The following ZHX2 variants were observed in gnomAD, a reference collection of about 807,000 sequenced individuals.
ZHX2 encodes zinc fingers and homeoboxes protein 2.
ZHX2 carries 6 observed loss-of-function variants against 21.9 expected under a neutral mutation model. The ratio of observed to expected loss-of-function variants is 0.27; its 90% confidence interval spans 0.15 to 0.54. The LOEUF (loss-of-function observed/expected upper bound fraction) is 0.54, where lower values mean the gene tolerates loss of function less well. Ranked by LOEUF, ZHX2 falls within the 20% of genes least tolerant of loss-of-function variation. ZHX2 has a pLI of 0.95. For synonymous variants in ZHX2, 434 were observed against 437.1 expected (o/e 0.99, Z 0.09); for missense variants, 908 against 1,090.7 (o/e 0.83, Z 2.36).
chr8:122,806,206 G>A (rs1005121290), intron 1 of ZHX2, among the ~76,000 whole-genome samples: 4 of 152,220 alleles, frequency 2.6e-5, no homozygotes, highest in Non-Finnish European at 4.4e-5. Context: ...AGCTCAGCCT[G>A]AATCTGAAAC....
chr8:122,798,791 G>A (rs904957694), intron 1 of ZHX2, among the ~76,000 whole-genome samples: 17 of 149,652 alleles, frequency 1.1e-4, no homozygotes, highest in African/African-American at 2.7e-4. Flanking sequence ...GAGCGAGAGC[G>A]AGACTGTCTC....
In ZHX2 at chr8:122,828,491, A is replaced by T. The variant is rs1818307869; in HGVS notation, c.-282-34986A>T. On this transcript the variant is annotated intron_variant, in intron 1 of 3. Transcript: ENST00000314393. The surrounding 1 kb of genome is among the most constrained non-coding windows in gnomAD (Gnocchi z 5.2). The stretch of plus-strand genomic sequence containing the variant: ...GAAACCAAAACCCAGGAAGACAGGG[A>T]GAGCTGCGGCCCACGAATGCATCTA... Among the ~76,000 whole-genome samples, 1 of 152,240 alleles carries T rather than the reference A, an allele frequency of 6.6e-6. No homozygotes were observed. Among genetic ancestry groups the T allele is most frequent in the Non-Finnish European group, 1.5e-5 (1 of 68,040 alleles).
chr8:122,789,646 A>G (rs1051069698), intron 1 of ZHX2, among the ~76,000 whole-genome samples: 1 of 152,168 alleles, frequency 6.6e-6, no homozygotes, highest in Non-Finnish European at 1.5e-5. Flanking sequence ...TAGGGGAGGT[A>G]AAGAGGTAGA....
intron 2 of ZHX2, among the ~76,000 whole-genome samples, chr8:122,869,602 C>T (rs1362376962): frequency 6.6e-6 from 1 of 152,214 alleles, no homozygotes; most frequent in Non-Finnish European, 1.5e-5. Context: ...GAGGCCCAGG[C>T]AGGGGCATCA....
At chr8:122,888,738 C>T (rs561491743) in intron 2 of ZHX2, among the ~76,000 whole-genome samples, 1 of 152,334 alleles carries the variant, frequency 6.6e-6, no homozygotes, top group South Asian at 2.1e-4. Context: ...CCTCCTCGGC[C>T]TCCCAAAGTG....
At chr8:122,901,140 G>T (rs147931028) in intron 2 of ZHX2, among the ~76,000 whole-genome samples, 3 of 152,128 alleles carry the variant, frequency 2.0e-5, no homozygotes, top group Non-Finnish European at 2.9e-5. Flanking sequence ...AGTAATACAC[G>T]TGGTATTTGT....
chr8:122,831,560 G>A (rs1029104174), intron 1 of ZHX2, among the ~76,000 whole-genome samples: 3 of 152,138 alleles, frequency 2.0e-5, no homozygotes, highest in African/African-American at 4.8e-5. Flanking sequence ...GGAGTAAAGC[G>A]GAGAGAACAA....
chr8:122,907,369 G>A (rs1024001134), intron 2 of ZHX2, among the ~76,000 whole-genome samples: 1 of 152,162 alleles, frequency 6.6e-6, no homozygotes, highest in Non-Finnish European at 1.5e-5. Context: ...AAGCGGGAGG[G>A]AGCATCCAGG....
intron 1 of ZHX2, among the ~76,000 whole-genome samples, chr8:122,826,133 A>G (rs745728214): frequency 6.6e-6 from 1 of 152,200 alleles, no homozygotes; most frequent in Non-Finnish European, 1.5e-5. Flanking sequence ...ATGGGCCATT[A>G]TTCTCGCCTT....
intron 2 of ZHX2, among the ~76,000 whole-genome samples, chr8:122,888,242 A>ATT (rs537797376): frequency 1.0e-4 from 15 of 146,924 alleles, no homozygotes; most frequent in African/African-American, 1.7e-4. Flanking sequence ...ACGGCCCTTG[A>ATT]TTTTTTTTTT....
At chr8:122,842,600 G>A (rs944227472) in intron 1 of ZHX2, among the ~76,000 whole-genome samples, 4 of 152,152 alleles carry the variant, frequency 2.6e-5, no homozygotes, top group African/African-American at 4.8e-5. Context: ...CCAGCTACTC[G>A]GGAGGCTGAG....
intron 2 of ZHX2, among the ~76,000 whole-genome samples, chr8:122,902,197 T>C (rs1487725411): frequency 1.3e-5 from 2 of 152,158 alleles, no homozygotes; most frequent in Non-Finnish European, 2.9e-5. Context: ...TGAACCAACA[T>C]GTATTACAGC....
rs544511099 is a variant in ZHX2 at position 122,954,372 on chromosome 8, A to G, written c.*4+344A>G. ...ACCCAGGCTGCAGTGCAGTGGCTCG[A>G]TCATAGGTCATTGTAGCCTCAAACT... is the stretch of plus-strand genomic sequence containing the variant. On this transcript the variant is annotated intron_variant, in intron 3 of 3. Transcript: ENST00000314393. Among the ~76,000 whole-genome samples the G allele has an allele frequency of 1.1e-3, 174 of 152,210 alleles. No homozygotes were observed. In the South Asian group the frequency reaches 0.03, roughly 26 times the overall value.
chr8:122,964,221 C>T (rs754750130), intron 3 of ZHX2, among the ~76,000 whole-genome samples: 14 of 151,972 alleles, frequency 9.2e-5, no homozygotes, highest in South Asian at 8.3e-4. Context: ...TGTCTTGTTC[C>T]GGTTTTCAGG....
intron 3 of ZHX2, among the ~76,000 whole-genome samples, chr8:122,970,511 G>A (rs912325957): frequency 2.0e-5 from 3 of 152,150 alleles, no homozygotes; most frequent in Non-Finnish European, 2.9e-5. Context: ...ACCTCAGCAC[G>A]TAGCCAGGAA....
intron 2 of ZHX2, among the ~76,000 whole-genome samples, chr8:122,909,605 TC>T (rs940972246): frequency 3.3e-5 from 5 of 151,468 alleles, no homozygotes; most frequent in African/African-American, 1.2e-4. Flanking sequence ...CCTCCTCCTC[TC>T]CCCCCCACAA....
intron 2 of ZHX2, among the ~76,000 whole-genome samples, chr8:122,948,580 A>T (rs1423233332): frequency 1.3e-5 from 2 of 152,164 alleles, no homozygotes; most frequent in Non-Finnish European, 2.9e-5. Context: ...ATAAAAATGT[A>T]CTCTAAACAT....
intron 1 of ZHX2, among the ~76,000 whole-genome samples, chr8:122,794,240 T>C (rs7008874): frequency 0.034 from 5,132 of 151,972 alleles, 294 homozygotes; most frequent in African/African-American, 0.12. Flanking sequence ...CAAAAGTGAA[T>C]GGAAACTCTT....
chr8:122,795,969 G>A (rs1236925802), intron 1 of ZHX2, among the ~76,000 whole-genome samples: 13 of 152,078 alleles, frequency 8.5e-5, no homozygotes, highest in African/African-American at 2.9e-4. Context: ...TCAGGAGTTC[G>A]GGACCAGCGT....
Sources: gnomAD v4.1 joint callset for allele counts (sites outside exome capture counted in the v4.1 genomes callset) on GRCh38, gnomAD v4.1.1 for gene constraint, Gnocchi (gnomAD v3.1) non-coding constraint, MANE v1.5 for transcripts, NCBI Gene and HGNC (gene_info 2026-07-23, HGNC 2026-07-21) for gene names.